Variants in ADGRV1 observed in about 807,000 individuals in gnomAD.
The protein encoded by ADGRV1 is adhesion G protein-coupled receptor V1.
ADGRV1 carries 359 observed loss-of-function variants against 596.2 expected under a neutral mutation model. That is an observed-to-expected ratio of 0.60 (90% confidence interval 0.55 to 0.66). The LOEUF is 0.66. Among genes scored for constraint, ADGRV1 ranks in the 30% least tolerant of loss-of-function variants. The pLI is 0.00. For synonymous variants in ADGRV1, 2,681 were observed against 2,679.2 expected (o/e 1.00, Z -0.02); for missense variants, 7,274 against 7,575.6 (o/e 0.96, Z 1.48).
chr5:90,762,168 AAAG>A (rs1382166651), intron 58 of ADGRV1, among the ~76,000 whole-genome samples: 6 of 152,212 alleles, frequency 3.9e-5, no homozygotes, highest in African/African-American at 1.4e-4. Flanking sequence ...CTATGGAATC[AAAG>A]AAGACTTATA....
intron 17 of ADGRV1, among the ~76,000 whole-genome samples, chr5:90,648,256 G>A (rs1768082528): frequency 6.6e-6 from 1 of 152,168 alleles, no homozygotes; most frequent in African/African-American, 2.4e-5. Context: ...AAAAAGATGT[G>A]TTCGTCCTTC....
chr5:91,042,640 A>C (rs1785462585), intron 85 of ADGRV1, among the ~76,000 whole-genome samples: 2 of 152,136 alleles, frequency 1.3e-5, no homozygotes, highest in Admixed American at 1.3e-4. Flanking sequence ...CACCCATCAA[A>C]TTAACCATCA....
chr5:90,575,702 C>T (rs61748292), intron 1 of ADGRV1, among the ~76,000 whole-genome samples: 13,588 of 152,162 alleles, frequency 0.089, 1,911 homozygotes, highest in African/African-American at 0.3. Context: ...CAACTTTGAC[C>T]ATGAGAGGCA....
chr5:90,604,692 G>T (rs896330296), intron 1 of ADGRV1, among the ~76,000 whole-genome samples: 1 of 152,068 alleles, frequency 6.6e-6, no homozygotes, highest in Non-Finnish European at 1.5e-5. Flanking sequence ...CCATCTAATG[G>T]TGGTTTAAGA....
At chr5:90,647,837 C>A in intron 17 of ADGRV1, 73 bp downstream of exon 17, 1 of 1,335,334 alleles carries the variant, frequency 7.5e-7, no homozygotes, top group Non-Finnish European at 1.0e-6. Context: ...CACTGCAGTC[C>A]AATAATGAGG....
At chr5:90,569,047 G>A (rs1756038772) in intron 1 of ADGRV1, among the ~76,000 whole-genome samples, 1 of 152,044 alleles carries the variant, frequency 6.6e-6, no homozygotes, top group Non-Finnish European at 1.5e-5. Context: ...AAGGGCTTTT[G>A]TGCTATGTTA....
chr5:90,895,961 G>A (rs1771269441), intron 83 of ADGRV1, among the ~76,000 whole-genome samples: 1 of 151,802 alleles, frequency 6.6e-6, no homozygotes, highest in African/African-American at 2.4e-5. Flanking sequence ...ATTAGAATAA[G>A]ATGTGCTCTA....
intron 63 of ADGRV1, 75 bp downstream of exon 63, chr5:90,778,684 CAG>C (rs1247598831): frequency 3.1e-5 from 39 of 1,264,048 alleles, no homozygotes; most frequent in Non-Finnish European, 3.9e-5. Flanking sequence ...GTTTCTATTC[CAG>C]AGTTTTCATA....
chr5:91,017,294 C>T (rs1186694792), intron 85 of ADGRV1, among the ~76,000 whole-genome samples: 1 of 151,856 alleles, frequency 6.6e-6, no homozygotes, highest in Non-Finnish European at 1.5e-5. Context: ...AAAGATAATA[C>T]AGCAAGTACT....
intron 60 of ADGRV1, 49 bp from the exon 61 acceptor site, chr5:90,776,404 G>A: frequency 6.4e-7 from 1 of 1,560,784 alleles, no homozygotes; most frequent in East Asian, 2.3e-5. Flanking sequence ...CATATACTAA[G>A]TGCTTATGTG....
intron 76 of ADGRV1, among the ~76,000 whole-genome samples, chr5:90,828,029 A>G (rs2150317430): frequency 6.6e-6 from 1 of 152,328 alleles, no homozygotes; most frequent in East Asian, 1.9e-4. Context: ...ATGGGTAACA[A>G]TATTGCTAAG....
At chr5:90,650,671 A>G (rs1391225098) in intron 17 of ADGRV1, among the ~76,000 whole-genome samples, 2 of 152,208 alleles carry the variant, frequency 1.3e-5, no homozygotes, top group African/African-American at 4.8e-5. Flanking sequence ...GAATTGAATA[A>G]GAATCATTAG....
intron 87 of ADGRV1, among the ~76,000 whole-genome samples, chr5:91,142,947 C>T (rs907130413): frequency 3.3e-5 from 5 of 152,204 alleles, no homozygotes; most frequent in African/African-American, 9.6e-5. Context: ...TGGCAGACTA[C>T]GCTTGGCTCA....
Position 90,783,855 on chromosome 5 carries a change from T to C in ADGRV1, c.13451T>C (p.Ile4484Thr), listed in dbSNP as rs1321835733. ...CCATGCAGTGAATTTGAGGAGCCCA[T>C]TGAAATTCTACTCACTGGAGCTACT... The part of the protein sequence containing the change: ...DDNESEFEEP[I>T]EILLTGATGG... The change falls in exon 67 of 90, where the codon ATT becomes ACT. Residue 4484 changes from isoleucine (I) to threonine (T), a missense_variant. This residue lies in a region of ADGRV1 where 3,643 missense variants were observed against 3,809.2 expected (regional missense o/e 0.96). Transcript: ENST00000405460. 1.9e-6 allele frequency: 3 copies of C among 1,607,310 alleles called. No individual in the cohort carries two copies. The highest frequency in any genetic ancestry group is 2.2e-5 in the East Asian group (1 of 44,708).
At chr5:90,755,554 T>C (rs7706337) in intron 55 of ADGRV1, among the ~76,000 whole-genome samples, 8,541 of 152,000 alleles carry the variant, frequency 0.056, 806 homozygotes, top group African/African-American at 0.2. Context: ...TTATTATTCA[T>C]TTAATAGGAC....
At position 90,829,068 on chromosome 5, in the gene ADGRV1, T is replaced by C; in HGVS notation, c.16493T>C (p.Val5498Ala). ...GAAAGTGATGAATCTCAAAGCCTTG[T>C]GTATTTTTCTGTGGGTTCTCGGCTG... ...ILESDESQSL[V>A]YFSVGSRLAV... Residue 5498 changes from valine (V) to alanine (A), a missense_variant, in exon 77 of 90, where the codon GTG becomes GCG. Transcript: ENST00000405460. The C allele has an allele frequency of 6.2e-7, 1 of 1,612,994 alleles. No individual in the cohort carries two copies. The highest frequency in any genetic ancestry group is 8.5e-7 in the Non-Finnish European group (1 of 1,179,258).
At chr5:90,960,149 A>C (rs1321076171) in intron 83 of ADGRV1, among the ~76,000 whole-genome samples, 7 of 143,990 alleles carry the variant, frequency 4.9e-5, no homozygotes, top group Admixed American at 1.4e-4. Flanking sequence ...AAAAAAAAAA[A>C]AAAACAAAAA....
chr5:90,559,037 G>A lies in ADGRV1; in HGVS notation c.22+120G>A, dbSNP rs1412205216. On this transcript the variant is annotated intron_variant, in intron 1 of 89. Coordinates refer to ENST00000405460, the MANE Select transcript of ADGRV1 (RefSeq NM_032119.4). Reference sequence around the variant, plus strand: ...GCGGCGCGGAGGGCGGGCCACAGCCGGGCCCAGGGAGGCTGGGCGCGCACC... The same window carrying A: ...GCGGCGCGGAGGGCGGGCCACAGCCAGGCCCAGGGAGGCTGGGCGCGCACC... The A allele has an allele frequency of 3.5e-6, 3 of 852,938 alleles. No homozygotes were observed. In the African/African-American group the frequency reaches 5.4e-5, roughly 15 times the overall value. The allele number at this position is 852,938 out of a possible 1,614,324, so 52.8% of individuals were successfully genotyped here.
intron 32 of ADGRV1, 56 bp downstream of exon 32, chr5:90,692,842 G>T: frequency 7.4e-7 from 1 of 1,347,610 alleles, no homozygotes; most frequent in Non-Finnish European, 1.0e-6. Flanking sequence ...GGGGTGGTGG[G>T]GAAGGATCCC....
Sources: allele counts gnomAD v4.1 joint callset (sites outside exome capture counted in the v4.1 genomes callset), GRCh38; gene constraint gnomAD v4.1.1; regional missense constraint gnomAD v4.1.1; transcripts MANE v1.5; gene names NCBI Gene and HGNC (gene_info 2026-07-23, HGNC 2026-07-21).